SMAD9: variants seen among roughly 807,000 people sequenced by gnomAD.
SMAD9 encodes MAD homolog 9.
Under a neutral mutation model 46.1 loss-of-function variants are expected in SMAD9, and 36 were observed. The ratio of observed to expected loss-of-function variants is 0.78; its 90% CI spans 0.60 to 1.03. The LOEUF is 1.03. SMAD9 is among the 50% of genes least tolerant of loss of function. The pLI, the probability that SMAD9 is intolerant of heterozygous loss-of-function variation, is 0.00. For missense variants in SMAD9, 572 were observed against 599.8 expected (o/e 0.95, Z 0.48); for synonymous variants, 245 against 237.1 (o/e 1.03, Z -0.31).
intron 1 of SMAD9, among the ~76,000 whole-genome samples, chr13:36,914,728 C>T (rs2058686191): frequency 3.3e-5 from 5 of 152,112 alleles, no homozygotes; most frequent in South Asian, 2.1e-4. Flanking sequence ...TCCCTTTCTG[C>T]GTTACCATTA....
At chr13:36,893,166 G>C (rs2058501558) in intron 1 of SMAD9, among the ~76,000 whole-genome samples, 1 of 151,908 alleles carries the variant, frequency 6.6e-6, no homozygotes, top group Non-Finnish European at 1.5e-5. Flanking sequence ...ACCTAGGCTA[G>C]TTTCCAAACA....
At chr13:36,863,828 C>A (rs2058206521) in intron 5 of SMAD9, among the ~76,000 whole-genome samples, 1 of 152,134 alleles carries the variant, frequency 6.6e-6, no homozygotes, top group African/African-American at 2.4e-5. Context: ...AGCCTGCAGA[C>A]CCATGGGCCA....
chr13:36,870,233 G>A (rs2058277499), intron 3 of SMAD9, among the ~76,000 whole-genome samples: 2 of 152,178 alleles, frequency 1.3e-5, no homozygotes, highest in Admixed American at 1.3e-4. Context: ...AGTCAGCACA[G>A]GAAGTCTTTG....
intron 5 of SMAD9, among the ~76,000 whole-genome samples, chr13:36,860,803 T>C (rs1175051586): frequency 2.6e-5 from 4 of 152,030 alleles, no homozygotes; most frequent in African/African-American, 9.7e-5. Flanking sequence ...GCTATCATCA[T>C]CATCATATTA....
intron 1 of SMAD9, among the ~76,000 whole-genome samples, chr13:36,910,657 T>G (rs2058654141): frequency 1.3e-5 from 2 of 152,200 alleles, no homozygotes; most frequent in African/African-American, 2.4e-5. Context: ...AGAAGGCCCC[T>G]GTGCAGCTCT....
chr13:36,871,712 T>C (rs888643916), intron 3 of SMAD9, among the ~76,000 whole-genome samples: 1 of 152,190 alleles, frequency 6.6e-6, no homozygotes, highest in East Asian at 1.9e-4. Flanking sequence ...GATGCTTATG[T>C]AACTTGCTGA....
rs985074104 is a variant in SMAD9 at position 36,867,377 on chromosome 13, G to A, written c.677C>T (p.Thr226Ile). ...TGTGGCATGATAAGGCAGGGGTGGT[G>A]TGTCAACTAAAAGAAAGCAGTAGAA... ...PESPYQHSVDTPPLPYHATEA... is the reference protein window; with the variant it reads ...PESPYQHSVDIPPLPYHATEA... Residue 226 changes from threonine to isoleucine, a missense_variant, in exon 4 of 7, where the codon ACA (threonine) becomes ATA (isoleucine). Thr to Ile is a moderately conservative substitution (Grantham distance 89). Transcript: ENST00000379826. 1.9e-6 allele frequency: 3 copies of A among 1,545,068 alleles called. No homozygotes were observed. Among genetic ancestry groups the A allele is most frequent in the Non-Finnish European group, 2.6e-6 (3 of 1,143,522 alleles).
At chr13:36,918,332 G>C (rs567166609) in intron 1 of SMAD9, among the ~76,000 whole-genome samples, 1 of 152,162 alleles carries the variant, frequency 6.6e-6, no homozygotes, top group Non-Finnish European at 1.5e-5. Flanking sequence ...TCAAGAGTAT[G>C]TTGGCATTCT....
chr13:36,900,349 C>T (rs1445694027), intron 1 of SMAD9, among the ~76,000 whole-genome samples: 1 of 152,064 alleles, frequency 6.6e-6, no homozygotes, highest in Non-Finnish European at 1.5e-5. Context: ...GGCGTGATCT[C>T]TGCTCACTGC....
chr13:36,849,950 C>T (rs2058061304), intron 6 of SMAD9: 1 of 152,070 alleles, frequency 6.6e-6, no homozygotes, highest in Non-Finnish European at 1.5e-5. Context: ...CTTCAAGATA[C>T]TTCTCCACCC....
chr13:36,896,977 GA>G (rs567389502), intron 1 of SMAD9, among the ~76,000 whole-genome samples: 32 of 142,662 alleles, frequency 2.2e-4, no homozygotes, highest in East Asian at 4.1e-4. Context: ...GCCATAATTT[GA>G]AAAAAAAAAC....
chr13:36,907,827 A>G (rs1373577936), intron 1 of SMAD9, among the ~76,000 whole-genome samples: 3 of 152,204 alleles, frequency 2.0e-5, no homozygotes, highest in Non-Finnish European at 4.4e-5. Context: ...GCCAAATTAG[A>G]GGTATTTTAA....
intron 6 of SMAD9, among the ~76,000 whole-genome samples, 169 bp downstream of exon 6, chr13:36,853,250 A>C (rs1206423147): frequency 6.6e-6 from 1 of 152,164 alleles, no homozygotes; most frequent in Non-Finnish European, 1.5e-5. Context: ...ATGCCACTGC[A>C]CTCCAGCCTG....
chr13:36,892,366 C>T (rs2058494915), intron 1 of SMAD9, among the ~76,000 whole-genome samples: 1 of 152,130 alleles, frequency 6.6e-6, no homozygotes, highest in South Asian at 2.1e-4. Flanking sequence ...ATACACCAGC[C>T]TATCAAAGCA....
At chr13:36,852,734 A>T (rs1423418232) in intron 6 of SMAD9, among the ~76,000 whole-genome samples, 1 of 152,220 alleles carries the variant, frequency 6.6e-6, no homozygotes, top group Admixed American at 6.5e-5. Context: ...AAGAGTAAGG[A>T]GAGTATCTTA....
At chr13:36,915,792 T>A (rs9576138) in intron 1 of SMAD9, among the ~76,000 whole-genome samples, 8,252 of 152,318 alleles carry the variant, frequency 0.054, 292 homozygotes, top group South Asian at 0.098. Flanking sequence ...TTAATATTTA[T>A]GCCTTTTATT....
At chr13:36,877,535 T>A in intron 2 of SMAD9, among the ~76,000 whole-genome samples, 1 of 152,198 alleles carries the variant, frequency 6.6e-6, no homozygotes, top group East Asian at 1.9e-4. Flanking sequence ...CATTTGGATA[T>A]ATTTTGGATG....
At chr13:36,873,105 A>G (rs541799867) in intron 2 of SMAD9, among the ~76,000 whole-genome samples, 190 bp from the exon 3 acceptor site, 2 of 152,282 alleles carry the variant, frequency 1.3e-5, no homozygotes, top group East Asian at 3.9e-4. Flanking sequence ...CCTAAGAAGC[A>G]AGCATGTGAG....
At chr13:36,851,674 A>G (rs777376690) in intron 6 of SMAD9, 17 of 901,696 alleles carry the variant, frequency 1.9e-5, no homozygotes, top group Non-Finnish European at 2.3e-5. Flanking sequence ...AAGAAACCTT[A>G]AAGAGATCTG....
Sources: allele counts gnomAD v4.1 joint callset (sites outside exome capture counted in the v4.1 genomes callset), GRCh38; gene constraint gnomAD v4.1.1; transcripts MANE v1.5; gene names NCBI Gene and HGNC (gene_info 2026-07-23, HGNC 2026-07-21).